Variants in PLEKHB2 observed in about 807,000 individuals in gnomAD.
PLEKHB2 encodes the protein pleckstrin homology domain containing B2, also known as pleckstrin homology domain-containing family B member 2.
PLEKHB2 carries 31 observed loss-of-function variants against 36.5 expected under a neutral mutation model. The observed-to-expected ratio is 0.85, with a 90% CI of 0.64 to 1.15. PLEKHB2 has a LOEUF of 1.15. PLEKHB2 is among the 50% of genes most tolerant of loss of function. The pLI, the probability that PLEKHB2 is intolerant of heterozygous loss-of-function variation, is 0.00. For missense variants in PLEKHB2, 262 were observed against 295.3 expected (o/e 0.89, Z 0.83); for synonymous variants, 119 against 112.0 (o/e 1.06, Z -0.39).
At chr2:131,120,718 C>T (rs552385718) in intron 1 of PLEKHB2, 1 of 624,600 alleles carries the variant, frequency 1.6e-6, no homozygotes, top group Non-Finnish European at 2.9e-6. Context: ...GGTGGTGAGG[C>T]TGAAGGCGAG....
chr2:131,115,509 A>T (rs1024656366), intron 1 of PLEKHB2, among the ~76,000 whole-genome samples: 3 of 151,726 alleles, frequency 2.0e-5, no homozygotes, highest in African/African-American at 7.3e-5. Context: ...ATGCGCCACC[A>T]TGCCCAGCTA....
At chr2:131,107,903 A>T (rs941269780) in intron 1 of PLEKHB2, 1 of 152,302 alleles carries the variant, frequency 6.6e-6, no homozygotes, top group Non-Finnish European at 1.5e-5. Flanking sequence ...ACCTCAGGTG[A>T]TCCGCCTGCC....
chr2:131,133,078 G>A (rs891814756), intron 6 of PLEKHB2, 87 bp downstream of exon 6: 6 of 833,432 alleles, frequency 7.2e-6, no homozygotes, highest in Non-Finnish European at 1.2e-5. Context: ...AATGAAATTA[G>A]AAATGTACTC....
rs1697871861 is a variant in PLEKHB2 at position 131,133,006 on chromosome 2, G to A, written c.423+15G>A. The A allele has an allele frequency of 1.9e-6, 3 of 1,597,710 alleles. No homozygotes were observed. Among genetic ancestry groups the A allele is most frequent in the Non-Finnish European group, 2.6e-6 (3 of 1,165,144 alleles). On this transcript the variant is annotated intron_variant, in intron 6 of 7. Coordinates refer to ENST00000693505, the MANE Select transcript of PLEKHB2 (RefSeq NM_001100623.2). Reference sequence around the variant, plus strand: ...CGGCCCCTGAGGTAGGGAGAACCCTGAGCCTCCAGGTGAGGGAAGTTTGGG... The same window carrying A: ...CGGCCCCTGAGGTAGGGAGAACCCTAAGCCTCCAGGTGAGGGAAGTTTGGG...
chr2:131,117,689 T>C (rs2104814464), intron 1 of PLEKHB2, among the ~76,000 whole-genome samples: 1 of 152,264 alleles, frequency 6.6e-6, no homozygotes, highest in African/African-American at 2.4e-5. Context: ...ATATCTAGGA[T>C]TTGACGTGAA....
In PLEKHB2 at chr2:131,126,681, T is replaced by C. The variant is rs375225585; in HGVS notation, c.191-3T>C. 216 of 1,576,866 alleles carry C rather than the reference T, an allele frequency of 1.4e-4. No individual in the cohort carries two copies. The highest frequency in any genetic ancestry group is 1.8e-4 in the Non-Finnish European group (206 of 1,146,698). On this transcript the variant is annotated splice_region_variant and splice_polypyrimidine_tract_variant and intron_variant, in intron 3 of 7. Coordinates refer to ENST00000693505, the MANE Select transcript of PLEKHB2 (RefSeq NM_001100623.2). ...GTTCCTTTATTCTGCTTATTTTTCA[T>C]AGATACTCAGCCCCCGGATGGAAAG... is the stretch of plus-strand genomic sequence containing the variant.
intron 4 of PLEKHB2, among the ~76,000 whole-genome samples, chr2:131,128,891 T>C (rs112782333): frequency 0.022 from 3,280 of 152,124 alleles, 122 homozygotes; most frequent in African/African-American, 0.075. Flanking sequence ...ACTAGACTCT[T>C]CCACCTGATA....
At chr2:131,122,732 T>C (rs189608232) in intron 2 of PLEKHB2, among the ~76,000 whole-genome samples, 1 of 152,346 alleles carries the variant, frequency 6.6e-6, no homozygotes. Flanking sequence ...ACTAGTTCCA[T>C]GTTCCCAACC....
chr2:131,146,995 T>A lies in PLEKHB2; in HGVS notation c.*222T>A, dbSNP rs780252309. The A allele has an allele frequency of 1.5e-5, 6 of 394,614 alleles. No homozygotes were observed. The highest frequency in any genetic ancestry group is 2.7e-5 in the Non-Finnish European group (6 of 223,314). 24.4% of individuals were successfully genotyped at this position (394,614 alleles called of 1,614,324 possible). On this transcript the variant is annotated 3_prime_UTR_variant, in exon 8 of 8. Coordinates refer to ENST00000693505, the MANE Select transcript of PLEKHB2 (RefSeq NM_001100623.2). ...TGACTCTCCGGGGGCACTGGCTCAT[T>A]CCAAGACTGTTCTTGTGCAACTCTC...
At chr2:131,123,674 G>A (rs945708999) in intron 2 of PLEKHB2, among the ~76,000 whole-genome samples, 6 of 151,054 alleles carry the variant, frequency 4.0e-5, no homozygotes, top group Admixed American at 1.3e-4. Context: ...ACAGGTGTGC[G>A]CCACCATGCC....
chr2:131,135,232 A>T (rs1293660999), intron 6 of PLEKHB2, among the ~76,000 whole-genome samples: 2 of 151,326 alleles, frequency 1.3e-5, no homozygotes, highest in East Asian at 3.9e-4. Flanking sequence ...CCACCACACT[A>T]ATTTTTTGTA....
chr2:131,128,160 G>A (rs1697284902), intron 4 of PLEKHB2, among the ~76,000 whole-genome samples: 1 of 152,182 alleles, frequency 6.6e-6, no homozygotes, highest in South Asian at 2.1e-4. Flanking sequence ...TTGCTGGGCT[G>A]GACTGAGGTA....
chr2:131,117,004 C>T (rs1162261815), intron 1 of PLEKHB2, among the ~76,000 whole-genome samples: 6 of 151,876 alleles, frequency 4.0e-5, no homozygotes, highest in African/African-American at 1.2e-4. Context: ...CACCTGTAAT[C>T]GCAGCTGCTT....
chr2:131,115,978 C>T (rs1695832525), intron 1 of PLEKHB2, among the ~76,000 whole-genome samples: 1 of 152,146 alleles, frequency 6.6e-6, no homozygotes, highest in Admixed American at 6.5e-5. Flanking sequence ...CTGGGAGGTA[C>T]ATGAGATTGT....
chr2:131,106,118 G>A lies in PLEKHB2; in HGVS notation c.-9+720G>A, dbSNP rs547434997. Among the ~76,000 whole-genome samples, 3 of 152,256 alleles carry A rather than the reference G, an allele frequency of 2.0e-5. No homozygotes were observed. In the South Asian group the frequency reaches 6.2e-4, roughly 32 times the overall value. ...CTCAACTAGATTGAAAACTCCGGAGGTCAGGGATTTGCATAGGGATCCCCG... is the reference window on the plus strand; with the variant it reads ...CTCAACTAGATTGAAAACTCCGGAGATCAGGGATTTGCATAGGGATCCCCG... On this transcript the variant is annotated intron_variant, in intron 1 of 7. Transcript: ENST00000693505.
Position 131,136,230 on chromosome 2 carries a change from C to A in PLEKHB2, c.423+3239C>A, listed in dbSNP as rs754257666. On this transcript the variant is annotated intron_variant, in intron 6 of 7. Transcript: ENST00000693505. ...CCTCTCCTCCTCTCCTCTCCTCTCT[C>A]CCCTGACCCCCTGAGAGATGAGGTC... 2.2e-5 allele frequency among the ~76,000 whole-genome samples: 3 copies of A among 137,718 alleles called. No homozygotes were observed. In the East Asian group the frequency reaches 7.2e-4, roughly 33 times the overall value. The allele number at this position is 137,718 out of a possible 152,430, so 90.3% of individuals were successfully genotyped here.
chr2:131,122,611 T>TAG (rs1313489721), intron 2 of PLEKHB2, among the ~76,000 whole-genome samples: 1 of 152,180 alleles, frequency 6.6e-6, no homozygotes, highest in Non-Finnish European at 1.5e-5. Context: ...GTTAGGTACT[T>TAG]GTCTAAGTGT....
At chr2:131,139,812 A>T (rs1356113515) in intron 6 of PLEKHB2, among the ~76,000 whole-genome samples, 3 of 152,306 alleles carry the variant, frequency 2.0e-5, no homozygotes, top group Admixed American at 2.0e-4. Context: ...TCTCATTATC[A>T]CCTGGTCCAA....
In PLEKHB2 at chr2:131,146,466, G is replaced by A. The variant is rs1482281914; in HGVS notation, c.533-171G>A. 2.0e-5 allele frequency among the ~76,000 whole-genome samples: 3 copies of A among 152,170 alleles called. No individual in the cohort carries two copies. In the East Asian group the frequency reaches 5.8e-4, roughly 29 times the overall value. On this transcript the variant is annotated intron_variant, in intron 7 of 7. Coordinates refer to ENST00000693505, the MANE Select transcript of PLEKHB2 (RefSeq NM_001100623.2). ...CTGAGGATCTTGGTTTCCTCCCAGT[G>A]TGCGGTTTCAGGGATGTCGGCCACA... is the stretch of plus-strand genomic sequence containing the variant.
Sources: gnomAD v4.1 joint callset for allele counts (sites outside exome capture counted in the v4.1 genomes callset) on GRCh38, gnomAD v4.1.1 for gene constraint, MANE v1.5 for transcripts, NCBI Gene and HGNC (gene_info 2026-07-23, HGNC 2026-07-21) for gene names.